Variants in GABRB1 observed in about 807,000 individuals in gnomAD.
The protein encoded by GABRB1 is gamma-aminobutyric acid type A receptor subunit beta1, also known as gamma-aminobutyric acid receptor subunit beta-1.
GABRB1 carries 17 observed loss-of-function variants against 51.6 expected under a neutral mutation model. The observed-to-expected ratio is 0.33, with a 90% CI of 0.23 to 0.49. The LOEUF (loss-of-function observed/expected upper bound fraction) is 0.49, where lower values mean the gene tolerates loss of function less well. Among genes scored for constraint, GABRB1 ranks in the 20% least tolerant of loss-of-function variants. GABRB1 has a pLI of 0.99. For missense variants in GABRB1, 410 were observed against 600.6 expected, an observed-to-expected ratio of 0.68 and a Z score of 3.32; for synonymous variants, 247 against 218.9, an observed-to-expected ratio of 1.13 and a Z score of -1.14.
At chr4:47,011,331 A>C (rs1724576688) in intron 1 of GABRB1, among the ~76,000 whole-genome samples, 1 of 152,180 alleles carries the variant, frequency 6.6e-6, no homozygotes, top group South Asian at 2.1e-4. Context: ...GAGCTGCAGT[A>C]GGTATTAAAC....
At chr4:47,358,309 A>ATG (rs954377759) in intron 5 of GABRB1, among the ~76,000 whole-genome samples, 1 of 151,914 alleles carries the variant, frequency 6.6e-6, no homozygotes, top group Admixed American at 6.6e-5. Flanking sequence ...ATATAAATAT[A>ATG]TGTGTGTGTA....
At position 47,416,748 on chromosome 4, in the gene GABRB1, A is replaced by G. The variant is rs531462593; in HGVS notation, c.1081-8926A>G. 5.9e-5 allele frequency among the ~76,000 whole-genome samples: 9 copies of G among 152,168 alleles called. No homozygotes were observed. The South Asian group carries it at 1.9e-3, about 32-fold the overall frequency. ...ATTACGTGCATGAGCCACTGCACCC[A>G]GCCTGTTTTGCACTTTTTTTTTCTT... is the stretch of plus-strand genomic sequence containing the variant. On this transcript the variant is annotated intron_variant, in intron 8 of 8. Transcript: ENST00000295454.
At chr4:47,045,412 C>A (rs370786232) in intron 3 of GABRB1, among the ~76,000 whole-genome samples, 4 of 151,562 alleles carry the variant, frequency 2.6e-5, no homozygotes, top group African/African-American at 9.7e-5. Context: ...GGGGAAAAAA[C>A]TGGTCATTTT....
At chr4:47,153,453 G>T (rs1717551868) in intron 3 of GABRB1, among the ~76,000 whole-genome samples, 2 of 152,032 alleles carry the variant, frequency 1.3e-5, no homozygotes. Flanking sequence ...TCTATTTAAA[G>T]AAATTGGATT....
chr4:47,307,270 C>T (rs1436294160), intron 4 of GABRB1, among the ~76,000 whole-genome samples: 2 of 152,006 alleles, frequency 1.3e-5, no homozygotes, highest in Non-Finnish European at 2.9e-5. Context: ...CTATTTAACA[C>T]TGGACCTATA....
intron 5 of GABRB1, among the ~76,000 whole-genome samples, chr4:47,326,748 A>G (rs972789394): frequency 3.3e-5 from 5 of 152,222 alleles, no homozygotes; most frequent in Admixed American, 2.6e-4. Flanking sequence ...AAAATCTGCC[A>G]GTACATTGAT....
chr4:47,370,486 CAA>C (rs34604260), intron 5 of GABRB1, among the ~76,000 whole-genome samples: 2 of 140,978 alleles, frequency 1.4e-5, no homozygotes, highest in Admixed American at 1.4e-4. Context: ...GACTCCATCT[CAA>C]AAAAAAAAAA....
At chr4:47,404,489 GCACA>G (rs56335154) in intron 7 of GABRB1, among the ~76,000 whole-genome samples, 12,744 of 145,540 alleles carry the variant, frequency 0.088, 610 homozygotes, top group African/African-American at 0.11. Flanking sequence ...ACACACGCAT[GCACA>G]CACACACACA....
chr4:47,376,872 A>G (rs1435430921), intron 5 of GABRB1, among the ~76,000 whole-genome samples: 1 of 152,234 alleles, frequency 6.6e-6, no homozygotes, highest in African/African-American at 2.4e-5. Flanking sequence ...TTATTAGAAT[A>G]CAAACAAGAC....
intron 4 of GABRB1, among the ~76,000 whole-genome samples, chr4:47,319,102 A>G (rs71611994): frequency 0.031 from 4,642 of 152,130 alleles, 91 homozygotes; most frequent in Non-Finnish European, 0.047. Flanking sequence ...ATGTACTACA[A>G]TTGTGTGGAA....
chr4:47,278,615 G>GT (rs35608701), intron 4 of GABRB1, among the ~76,000 whole-genome samples: 68,706 of 151,812 alleles, frequency 0.45, 16,222 homozygotes, highest in East Asian at 0.84. Flanking sequence ...CAAGCCCTAG[G>GT]TTTTTGCCTT....
chr4:47,307,348 T>C (rs1291291585), intron 4 of GABRB1, among the ~76,000 whole-genome samples: 2 of 152,122 alleles, frequency 1.3e-5, no homozygotes, highest in Non-Finnish European at 2.9e-5. Flanking sequence ...TAGGGATTTA[T>C]GCTCACAAAA....
intron 8 of GABRB1, among the ~76,000 whole-genome samples, chr4:47,413,743 A>G (rs1171254877): frequency 6.6e-6 from 1 of 152,166 alleles, no homozygotes; most frequent in Admixed American, 6.5e-5. Flanking sequence ...AGTCAGGTCA[A>G]GGGGTATTTG....
intron 4 of GABRB1, among the ~76,000 whole-genome samples, chr4:47,306,590 G>C (rs965055348): frequency 6.6e-6 from 1 of 152,034 alleles, no homozygotes; most frequent in African/African-American, 2.4e-5. Context: ...CCTCCCCAGA[G>C]ATAACCACTA....
intron 3 of GABRB1, among the ~76,000 whole-genome samples, chr4:47,047,957 G>T (rs1489460139): frequency 6.6e-6 from 1 of 152,108 alleles, no homozygotes; most frequent in Non-Finnish European, 1.5e-5. Flanking sequence ...TAGTTGGGAA[G>T]TGTACATCCT....
At chr4:47,016,567 A>G (rs1373792158) in intron 1 of GABRB1, among the ~76,000 whole-genome samples, 1 of 151,766 alleles carries the variant, frequency 6.6e-6, no homozygotes, top group Non-Finnish European at 1.5e-5. Context: ...CAGATTATTT[A>G]TTTATTTATT....
At chr4:47,098,323 G>T (rs1189489560) in intron 3 of GABRB1, among the ~76,000 whole-genome samples, 1 of 151,946 alleles carries the variant, frequency 6.6e-6, no homozygotes, top group Non-Finnish European at 1.5e-5. Context: ...TTTACTCTGG[G>T]GGGTTATTGA....
chr4:47,133,321 A>G (rs531456695), intron 3 of GABRB1, among the ~76,000 whole-genome samples: 6 of 152,202 alleles, frequency 3.9e-5, no homozygotes, highest in Non-Finnish European at 7.3e-5. Flanking sequence ...TAAAATATCT[A>G]GTCAGATATT....
chr4:47,070,415 T>C (rs1165505116), intron 3 of GABRB1, among the ~76,000 whole-genome samples: 2 of 151,904 alleles, frequency 1.3e-5, no homozygotes, highest in Non-Finnish European at 2.9e-5. Context: ...GACTGCAACC[T>C]CCACCTGCCG....
Sources: allele counts gnomAD v4.1 joint callset (sites outside exome capture counted in the v4.1 genomes callset), GRCh38; gene constraint gnomAD v4.1.1; transcripts MANE v1.5; gene names NCBI Gene and HGNC (gene_info 2026-07-23, HGNC 2026-07-21).